The following LIMK2 variants were observed in gnomAD, a reference collection of about 807,000 sequenced individuals.
The protein encoded by LIMK2 is LIM domain kinase 2.
Under a neutral mutation model 75.7 loss-of-function variants are expected in LIMK2, and 35 were observed. The observed-to-expected ratio is 0.46, with a 90% CI of 0.35 to 0.61. The LOEUF is 0.61. Ranked by LOEUF, LIMK2 falls within the 20% of genes least tolerant of loss-of-function variation. The pLI is 0.00. For missense variants in LIMK2, 623 were observed against 831.0 expected, an observed-to-expected ratio of 0.75 and a Z score of 3.08; for synonymous variants, 301 against 319.2, an observed-to-expected ratio of 0.94 and a Z score of 0.61.
chr22:31,262,986 A>G lies in LIMK2; in HGVS notation c.854+195A>G, dbSNP rs898478461. 2.6e-5 allele frequency among the ~76,000 whole-genome samples: 4 copies of G among 152,204 alleles called. No individual in the cohort carries two copies. Among genetic ancestry groups the G allele is most frequent in the African/African-American group, 7.2e-5 (3 of 41,452 alleles). ...GCCTGTGCGGACCCAGCTGTCTGCC[A>G]GGTTTCCTTAGAAACCTGAGAGTCA... On this transcript the variant is annotated intron_variant, in intron 7 of 15. Coordinates refer to ENST00000331728, the MANE Select transcript of LIMK2 (RefSeq NM_005569.4). The surrounding 1 kb of genome is among the most constrained non-coding windows in gnomAD (Gnocchi z 5.0).
rs2048951584 is a variant in LIMK2, at chr22:31,271,080, T to C, written c.1318-56T>C. ...AGCATCTATGGCGCCCAATTCCAGA[T>C]TCAGGGTCTAGTTGATTTGCTGGCC... is the stretch of plus-strand genomic sequence containing the variant. On this transcript the variant is annotated intron_variant, in intron 11 of 15. Transcript: ENST00000331728. 43 of 1,516,402 alleles carry C rather than the reference T, an allele frequency of 2.8e-5. 1 individual carries two copies. In the South Asian group the frequency reaches 4.6e-4, roughly 16 times the overall value. The allele number at this position is 1,516,402 out of a possible 1,614,324, so 93.9% of individuals were successfully genotyped here. A position where few individuals can be genotyped will look rare whatever the true frequency, so the allele number is the denominator to read the frequency against.
intron 10 of LIMK2, 33 bp downstream of exon 10, chr22:31,267,940 TTGG>T (rs1224524798): frequency 1.9e-6 from 3 of 1,573,586 alleles, no homozygotes; most frequent in African/African-American, 2.7e-5. Context: ...TCCAGGAGCC[TTGG>T]TGGGTTGTCA....
chr22:31,247,813 T>G (rs1318780984), intron 2 of LIMK2, among the ~76,000 whole-genome samples: 3 of 152,190 alleles, frequency 2.0e-5, no homozygotes, highest in Non-Finnish European at 4.4e-5. Context: ...AGGTTAATAC[T>G]CTGGGCCTTG....
intron 15 of LIMK2, chr22:31,276,867 C>T (rs1409504507): frequency 1.2e-6 from 2 of 1,612,382 alleles, no homozygotes; most frequent in Non-Finnish European, 1.7e-6. Flanking sequence ...GGAAGGTCAC[C>T]ATCAAGTATG....
chr22:31,231,445 G>A (rs1185476243), intron 2 of LIMK2, among the ~76,000 whole-genome samples: 3 of 152,146 alleles, frequency 2.0e-5, no homozygotes, highest in Non-Finnish European at 4.4e-5. Flanking sequence ...CATTTGTCCA[G>A]TTTATCTTTT....
chr22:31,248,837 C>G, intron 2 of LIMK2: 1 of 1,505,538 alleles, frequency 6.6e-7, no homozygotes, highest in Non-Finnish European at 9.2e-7. Context: ...GGGTGGTCTC[C>G]CTAAATCTCC....
intron 1 of LIMK2, among the ~76,000 whole-genome samples, chr22:31,215,344 C>T (rs978160006): frequency 6.6e-6 from 1 of 152,162 alleles, no homozygotes; most frequent in Non-Finnish European, 1.5e-5. Flanking sequence ...ACCGGAGAAT[C>T]GATAACAAAT....
At chr22:31,253,068 C>A (rs2048741848) in intron 2 of LIMK2, among the ~76,000 whole-genome samples, 1 of 152,234 alleles carries the variant, frequency 6.6e-6, no homozygotes, top group African/African-American at 2.4e-5. Context: ...GCCCTCAGAA[C>A]CCCTCAGTAA....
chr22:31,235,538 T>C (rs2048566173), intron 2 of LIMK2, among the ~76,000 whole-genome samples: 1 of 152,112 alleles, frequency 6.6e-6, no homozygotes, highest in South Asian at 2.1e-4. Flanking sequence ...CCTAGGTACC[T>C]CCGGAGAGGA....
At chr22:31,220,897 G>T (rs112583638) in intron 1 of LIMK2, among the ~76,000 whole-genome samples, 2 of 152,186 alleles carry the variant, frequency 1.3e-5, no homozygotes, top group African/African-American at 4.8e-5. Context: ...CTGGGAGGCG[G>T]AGGTTGTGGT....
At chr22:31,237,528 C>T (rs570431546) in intron 2 of LIMK2, among the ~76,000 whole-genome samples, 155 of 151,602 alleles carry the variant, frequency 1.0e-3, no homozygotes, top group Non-Finnish European at 1.7e-3. Context: ...CGCGCCACTG[C>T]CCTCCAGTAG....
chr22:31,277,685 C>T (rs1235189091), intron 15 of LIMK2: 6 of 357,542 alleles, frequency 1.7e-5, no homozygotes, highest in Non-Finnish European at 2.3e-5. Flanking sequence ...ACTTGGGTTA[C>T]AGCAGCGAAC....
At chr22:31,236,990 G>A (rs931279799) in intron 2 of LIMK2, among the ~76,000 whole-genome samples, 12 of 151,744 alleles carry the variant, frequency 7.9e-5, no homozygotes, top group African/African-American at 2.4e-4. Flanking sequence ...CAGCAGGCAC[G>A]GTGGCTCACG....
intron 2 of LIMK2, chr22:31,230,096 G>C (rs1662088277): frequency 1.4e-5 from 2 of 145,830 alleles, no homozygotes; most frequent in African/African-American, 5.1e-5. Context: ...TGAAATTGTG[G>C]GAGTGGAAAA....
At chr22:31,218,801 T>C (rs900904026) in intron 1 of LIMK2, among the ~76,000 whole-genome samples, 9 of 152,186 alleles carry the variant, frequency 5.9e-5, no homozygotes, top group African/African-American at 2.2e-4. Flanking sequence ...TTACCATACT[T>C]GTTTTATGCT....
chr22:31,234,353 T>C (rs1014279090), intron 2 of LIMK2, among the ~76,000 whole-genome samples: 1 of 150,942 alleles, frequency 6.6e-6, no homozygotes, highest in African/African-American at 2.4e-5. Context: ...AAAAAAAACT[T>C]GACTGTGTCA....
chr22:31,233,171 C>A (rs548681284), intron 2 of LIMK2, among the ~76,000 whole-genome samples: 16 of 152,306 alleles, frequency 1.1e-4, no homozygotes, highest in African/African-American at 2.9e-4. Flanking sequence ...CTTCACTTAC[C>A]AGCCACCTGA....
chr22:31,228,529 A>C (rs2048498283), intron 2 of LIMK2, among the ~76,000 whole-genome samples: 1 of 152,214 alleles, frequency 6.6e-6, no homozygotes, highest in African/African-American at 2.4e-5. Context: ...AGCTTCAGGC[A>C]CCAATCTGTA....
In LIMK2 at chr22:31,267,906, T is replaced by C; in HGVS notation, c.1259T>C (p.Met420Thr). ...GGTLKDFLRS[M>T]DPFPWQQKVR... is the part of the protein sequence containing the mutation. ...ACACTGAAGGACTTTCTGCGCAGTA[T>C]GGTGAGCACACCACCCCATAGTCTC... Residue 420 changes from methionine to threonine, a missense_variant and splice_region_variant, in exon 10 of 16, where the codon ATG becomes ACG. Coordinates refer to ENST00000331728, the MANE Select transcript of LIMK2 (RefSeq NM_005569.4). The C allele has an allele frequency of 6.3e-7, 1 of 1,596,006 alleles. No homozygotes were observed. Among genetic ancestry groups the C allele is most frequent in the South Asian group, 1.1e-5 (1 of 87,676 alleles).
Sources: allele counts gnomAD v4.1 joint callset (sites outside exome capture counted in the v4.1 genomes callset), GRCh38; gene constraint gnomAD v4.1.1; non-coding constraint Gnocchi (gnomAD v3.1); transcripts MANE v1.5; gene names NCBI Gene and HGNC (gene_info 2026-07-23, HGNC 2026-07-21).